The following DCUN1D2 variants were observed in gnomAD, a reference collection of about 807,000 sequenced individuals.
DCUN1D2 encodes the protein defective in cullin neddylation 1 domain containing 2.
Under a neutral mutation model 30.9 loss-of-function variants are expected in DCUN1D2, and 29 were observed. That is an observed-to-expected ratio of 0.94 (90% CI 0.70 to 1.28). The LOEUF is 1.28. DCUN1D2 is among the 50% of genes most tolerant of loss of function. The pLI, the probability that DCUN1D2 is intolerant of heterozygous loss-of-function variation, is 0.00. For synonymous variants in DCUN1D2, 121 were observed against 115.3 expected (o/e 1.05, Z -0.32); for missense variants, 325 against 316.9 (o/e 1.03, Z -0.19).
intron 4 of DCUN1D2, among the ~76,000 whole-genome samples, chr13:113,467,300 G>T (rs1425970455): frequency 6.6e-6 from 1 of 152,100 alleles, no homozygotes; most frequent in African/African-American, 2.4e-5. Context: ...GAAACATGAT[G>T]TTACTATGTG....
At chr13:113,470,856 C>T (rs570260923) in intron 4 of DCUN1D2, among the ~76,000 whole-genome samples, 41 of 144,672 alleles carry the variant, frequency 2.8e-4, no homozygotes, top group Non-Finnish European at 6.0e-4. Context: ...CACAGGGGAC[C>T]CAAATCCACA....
chr13:113,456,499 CCT>C lies in DCUN1D2; in HGVS notation c.*1528_*1529del. On this transcript the variant is annotated 3_prime_UTR_variant, in exon 7 of 7. Coordinates refer to ENST00000478244, the MANE Select transcript of DCUN1D2 (RefSeq NM_001014283.2). ...CAGCTAGGTCATCTGCGGCGACTCT[CCT>C]CTGTGCTGGGCAGCAGCTCCAGCTG... 2.5e-6 allele frequency: 1 copy of C among 398,020 alleles called. No homozygotes were observed. Among genetic ancestry groups the C allele is most frequent in the African/African-American group, 2.1e-5 (1 of 48,744 alleles). The allele number at this position is 398,020 out of a possible 1,614,324, so 24.7% of individuals were successfully genotyped here.
chr13:113,480,639 A>T lies in DCUN1D2; in HGVS notation c.325T>A (p.Phe109Ile). 1.2e-6 allele frequency: 2 copies of T among 1,614,178 alleles called. No individual in the cohort carries two copies. The highest frequency in any genetic ancestry group is 1.7e-6 in the Non-Finnish European group (2 of 1,180,026). The change falls in exon 3 of 7, where the codon TTC becomes ATC. Residue 109 changes from phenylalanine (F) to isoleucine (I), a missense_variant. Transcript: ENST00000478244. ...AATTCACACTGAGTTGCTGCCCTGA[A>T]CTTCCACGCTATGACCAATACACTG... is the stretch of plus-strand genomic sequence containing the variant. ...SISVLVIAWK[F>I]RAATQCEFSR...
intron 3 of DCUN1D2, among the ~76,000 whole-genome samples, chr13:113,476,542 T>C (rs932200537): frequency 5.3e-5 from 8 of 152,204 alleles, no homozygotes; most frequent in Admixed American, 1.3e-4. Flanking sequence ...AAATTCTTTA[T>C]ATATTAAAGA....
At chr13:113,458,882 C>T (rs1032724682) in intron 6 of DCUN1D2, among the ~76,000 whole-genome samples, 1 of 152,172 alleles carries the variant, frequency 6.6e-6, no homozygotes, top group Non-Finnish European at 1.5e-5. Flanking sequence ...GCTCCAAAGG[C>T]CCTCCAACGC....
At position 113,484,054 on chromosome 13, in the gene DCUN1D2, A is replaced by G. The variant is rs777808907; in HGVS notation, c.6T>C (p.His2=). M[H]KLKSSQKDKV... ...TGTCCTTCTGAGACGATTTAAGCTTATGCTTTGGGATGCAAAAGAAGTAGG... is the reference window on the plus strand; with the variant it reads ...TGTCCTTCTGAGACGATTTAAGCTTGTGCTTTGGGATGCAAAAGAAGTAGG... The change falls in exon 2 of 7, where the codon CAT becomes CAC. Residue 2 remains histidine (H), a splice_region_variant and synonymous_variant. Coordinates refer to ENST00000478244, the MANE Select transcript of DCUN1D2 (RefSeq NM_001014283.2). The G allele has an allele frequency of 2.2e-5, 35 of 1,613,244 alleles. No individual in the cohort carries two copies. The South Asian group carries it at 3.6e-4, about 17-fold the overall frequency.
intron 4 of DCUN1D2, among the ~76,000 whole-genome samples, chr13:113,470,263 T>C (rs1451437201): frequency 6.6e-6 from 1 of 152,226 alleles, no homozygotes; most frequent in African/African-American, 2.4e-5. Flanking sequence ...GGCTGTGCCA[T>C]ACTGCTAGGC....
chr13:113,474,351 C>T (rs1479734391), intron 3 of DCUN1D2, 97 bp from the exon 4 acceptor site: 1 of 1,495,374 alleles, frequency 6.7e-7, no homozygotes, highest in African/African-American at 1.4e-5. Context: ...GCACGCAGCT[C>T]CAGCTGGAGA....
chr13:113,479,257 T>C (rs1016487816), intron 3 of DCUN1D2, among the ~76,000 whole-genome samples: 2 of 152,226 alleles, frequency 1.3e-5, no homozygotes, highest in African/African-American at 4.8e-5. Flanking sequence ...TGGATTTGTA[T>C]CTTTCTCTTT....
At chr13:113,474,882 G>T (rs1004462675) in intron 3 of DCUN1D2, among the ~76,000 whole-genome samples, 2 of 152,160 alleles carry the variant, frequency 1.3e-5, no homozygotes, top group African/African-American at 4.8e-5. Context: ...CTTCATTACA[G>T]CAAGTTAGAT....
chr13:113,464,623 G>A (rs1039602355), intron 4 of DCUN1D2, among the ~76,000 whole-genome samples: 5 of 152,252 alleles, frequency 3.3e-5, no homozygotes, highest in African/African-American at 4.8e-5. Context: ...CGGGGGACAC[G>A]GCAGCCTCTG....
At chr13:113,485,788 G>A (rs774956819) in intron 1 of DCUN1D2, among the ~76,000 whole-genome samples, 8 of 152,062 alleles carry the variant, frequency 5.3e-5, no homozygotes, top group South Asian at 2.1e-4. Flanking sequence ...CCTGGGTCCT[G>A]AGGCCTTTCA....
chr13:113,482,891 C>T (rs543966455), intron 2 of DCUN1D2, among the ~76,000 whole-genome samples: 2 of 152,056 alleles, frequency 1.3e-5, no homozygotes, highest in South Asian at 2.1e-4. Flanking sequence ...TGCAGTGAGC[C>T]GAGATCATAC....
At chr13:113,461,423 T>C (rs888630964) in intron 4 of DCUN1D2, among the ~76,000 whole-genome samples, 1 of 152,232 alleles carries the variant, frequency 6.6e-6, no homozygotes, top group Non-Finnish European at 1.5e-5. Flanking sequence ...TTCACACATA[T>C]TGGGTGTTCT....
In DCUN1D2 at chr13:113,457,849, T is replaced by C. The variant is rs2044250764; in HGVS notation, c.*180A>G. The C allele has an allele frequency of 1.5e-6, 1 of 646,916 alleles. No individual in the cohort carries two copies. The highest frequency in any genetic ancestry group is 2.8e-6 in the Non-Finnish European group (1 of 360,238). 40.1% of individuals were successfully genotyped at this position (646,916 alleles called of 1,614,324 possible). A position where few individuals can be genotyped will look rare whatever the true frequency, so the allele number is the denominator to read the frequency against. ...CCAAAGCAGCCGTGTCCCGAGGAACTTCCTGCGGTGTCCACAAAGCAGCCG... is the reference window on the plus strand; with the variant it reads ...CCAAAGCAGCCGTGTCCCGAGGAACCTCCTGCGGTGTCCACAAAGCAGCCG... On this transcript the variant is annotated 3_prime_UTR_variant, in exon 7 of 7. Coordinates refer to ENST00000478244, the MANE Select transcript of DCUN1D2 (RefSeq NM_001014283.2).
intron 4 of DCUN1D2, among the ~76,000 whole-genome samples, chr13:113,471,627 G>GA (rs761706605): frequency 6.6e-6 from 1 of 152,116 alleles, no homozygotes; most frequent in Non-Finnish European, 1.5e-5. Context: ...CAAAGCAAAA[G>GA]AAAAAATGGC....
intron 4 of DCUN1D2, among the ~76,000 whole-genome samples, chr13:113,473,430 C>T (rs968376811): frequency 3.3e-4 from 50 of 152,242 alleles, no homozygotes; most frequent in African/African-American, 1.2e-3. Flanking sequence ...TGCAAATGGG[C>T]CACATTAATG....
intron 6 of DCUN1D2, 108 bp downstream of exon 6, chr13:113,459,204 A>G (rs1212851756): frequency 2.9e-6 from 2 of 685,420 alleles, no homozygotes; most frequent in East Asian, 5.0e-5. Flanking sequence ...GGGTAGTATT[A>G]TGACCACGCC....
intron 1 of DCUN1D2, among the ~76,000 whole-genome samples, chr13:113,487,783 T>A (rs111482385): frequency 2.0e-5 from 3 of 152,298 alleles, no homozygotes; most frequent in African/African-American, 7.2e-5. Flanking sequence ...AGGTAGTGGT[T>A]CCACAAATTT....
Sources: gnomAD v4.1 joint callset for allele counts (sites outside exome capture counted in the v4.1 genomes callset) on GRCh38, gnomAD v4.1.1 for gene constraint, MANE v1.5 for transcripts, NCBI Gene and HGNC (gene_info 2026-07-23, HGNC 2026-07-21) for gene names.